The following RNF19A variants were observed in gnomAD, a reference collection of about 807,000 sequenced individuals.
RNF19A encodes E3 ubiquitin-protein ligase RNF19A.
A neutral mutation model predicts 75.7 loss-of-function variants in RNF19A; 32 were observed. The ratio of observed to expected loss-of-function variants is 0.42; its 90% CI spans 0.32 to 0.57. The LOEUF (loss-of-function observed/expected upper bound fraction) is 0.57. Among genes scored for constraint, RNF19A ranks in the 20% least tolerant of loss-of-function variants. RNF19A has a pLI of 0.10. For missense variants in RNF19A, 782 were observed against 1,036.3 expected (o/e 0.75, Z 3.37); for synonymous variants, 335 against 345.2 (o/e 0.97, Z 0.33).
At chr8:100,290,185 G>A (rs1396371410) in intron 1 of RNF19A, among the ~76,000 whole-genome samples, 2 of 152,176 alleles carry the variant, frequency 1.3e-5, no homozygotes, top group Non-Finnish European at 2.9e-5. Context: ...AGCAATCTCG[G>A]CTCACTGCAG....
rs1156918433 is a variant in RNF19A at position 100,264,191 on chromosome 8, G to A, written c.1311C>T (p.Ile437=). The stretch of plus-strand genomic sequence containing the variant: ...CATAAGCTAACATAATAGGAACACC[G>A]ATACCTAAAGAGAAATTAAATCAGT... ...SPVVAAVTVG[I]GVPIMLAYVY... The change falls in exon 7 of 10, where the codon ATC becomes ATT. Residue 437 remains isoleucine (I), a synonymous_variant. Coordinates refer to ENST00000341084, the MANE Select transcript of RNF19A (RefSeq NM_183419.4). The surrounding 1 kb of genome is among the most constrained non-coding windows in gnomAD (Gnocchi z 4.7). 11 of 1,604,678 alleles carry A rather than the reference G, an allele frequency of 6.9e-6. No individual in the cohort carries two copies. The East Asian group carries it at 1.3e-4, about 20-fold the overall frequency.
At chr8:100,289,020 G>A (rs887372620) in intron 1 of RNF19A, among the ~76,000 whole-genome samples, 8 of 142,760 alleles carry the variant, frequency 5.6e-5, no homozygotes, top group South Asian at 2.2e-4. Context: ...AGATTGCGCC[G>A]CTGCACTCCA....
At chr8:100,290,507 G>T (rs1285431928) in intron 1 of RNF19A, among the ~76,000 whole-genome samples, 3 of 152,116 alleles carry the variant, frequency 2.0e-5, no homozygotes, top group African/African-American at 4.8e-5. Context: ...TTTTCTATGT[G>T]TTTTTTTCCT....
intron 1 of RNF19A, among the ~76,000 whole-genome samples, chr8:100,293,318 T>C (rs557094474): frequency 6.6e-6 from 1 of 152,310 alleles, no homozygotes; most frequent in South Asian, 2.1e-4. Context: ...TCAACTTTTA[T>C]CTGGGGAAAA....
In RNF19A at chr8:100,264,118, C is replaced by A; in HGVS notation, c.1384G>T (p.Val462Phe). ...ACTCCTTTTCCATTGCCTGCTGAGA[C>A]TCCACAACCTCCGCTTCGACAAAGA... ...ISLCRSGGCG[V>F]SAGNGKGVRI... Residue 462 changes from valine (V) to phenylalanine (F), a missense_variant, in exon 7 of 10, where the codon GTC becomes TTC. By Grantham distance (50) the Val-to-Phe change is conservative. This residue lies in a region of RNF19A where 442 missense variants were observed against 541.6 expected (regional missense o/e 0.82). Coordinates refer to ENST00000341084, the MANE Select transcript of RNF19A (RefSeq NM_183419.4). This position sits in a 1 kb window ranked among gnomAD's most constrained non-coding sequence, Gnocchi z 4.7. The A allele has an allele frequency of 6.2e-7, 1 of 1,613,830 alleles. No homozygotes were observed. Among genetic ancestry groups the A allele is most frequent in the East Asian group, 2.2e-5 (1 of 44,874 alleles).
chr8:100,312,570 C>T (rs923610408), upstream of RNF19A, among the ~76,000 whole-genome samples: 5 of 151,954 alleles, frequency 3.3e-5, no homozygotes, highest in Admixed American at 6.6e-5. Flanking sequence ...CCAGCCTGGG[C>T]GACAGAGTGA....
chr8:100,288,070 A>T lies in RNF19A; in HGVS notation c.105T>A (p.His35Gln), dbSNP rs776829432. The change falls in exon 2 of 10, where the codon CAT becomes CAA. Residue 35 changes from histidine to glutamine, a missense_variant. Transcript: ENST00000341084. ...GATCTCGATCTGAACCCATTTGCCG[A>T]TGTAAACTCATGTCTAAAATGCTTG... ...ILTSILDMSL[H>Q]RQMGSDRDLQ... 2.5e-6 allele frequency: 4 copies of T among 1,614,054 alleles called. No individual in the cohort carries two copies. The African/African-American group carries it at 4.0e-5, about 16-fold the overall frequency.
chr8:100,261,905 A>G lies in RNF19A; in HGVS notation c.1469-150T>C. ...ATTTTTTTCAGGCTAGTCCACTAGA[A>G]GCAGTGGGAATAGAGCCAACAATTT... On this transcript the variant is annotated intron_variant, in intron 7 of 9. Transcript: ENST00000341084. This position sits in a 1 kb window ranked among gnomAD's most constrained non-coding sequence, Gnocchi z 4.4. 1.3e-6 allele frequency: 1 copy of G among 775,186 alleles called. No individual in the cohort carries two copies. Among genetic ancestry groups the G allele is most frequent in the Non-Finnish European group, 2.1e-6 (1 of 481,626 alleles). The allele number at this position is 775,186 out of a possible 1,614,324, so 48.0% of individuals were successfully genotyped here.
At chr8:100,306,791 T>C (rs999556245) in intron 1 of RNF19A, among the ~76,000 whole-genome samples, 1 of 152,200 alleles carries the variant, frequency 6.6e-6, no homozygotes, top group South Asian at 2.1e-4. Flanking sequence ...GTTTCAATGT[T>C]AGACATCTTC....
At chr8:100,327,669 T>G (rs2130387705) in intron 1 of RNF19A, among the ~76,000 whole-genome samples, 1 of 152,334 alleles carries the variant, frequency 6.6e-6, no homozygotes, top group Non-Finnish European at 1.5e-5. Flanking sequence ...GGATGGTCCC[T>G]CAGTTCCAGT....
At position 100,258,723 on chromosome 8, in the gene RNF19A, C is replaced by T. The variant is rs144188983; in HGVS notation, c.2350G>A (p.Ala784Thr). 182 of 1,614,024 alleles carry T rather than the reference C, an allele frequency of 1.1e-4. No individual in the cohort carries two copies. The highest frequency in any genetic ancestry group is 1.3e-4 in the Non-Finnish European group (155 of 1,180,030). ...QCSISVVTQT[A>T]SCSEVSQLNH... ...AACTGTGAAACTTCTGAACAGGAAG[C>T]AGTTTGGGTAACCACAGAAATGCTA... Residue 784 changes from alanine to threonine, a missense_variant, in exon 10 of 10, where the codon GCT becomes ACT. Physicochemically the swap from Ala to Thr is moderately conservative, Grantham distance 58 (BLOSUM62 0). Around this residue, in one of 7 missense-constraint regions of RNF19A, gnomAD observed 442 missense variants for 541.6 expected, o/e 0.82. Coordinates refer to ENST00000341084, the MANE Select transcript of RNF19A (RefSeq NM_183419.4). The surrounding 1 kb of genome is among the most constrained non-coding windows in gnomAD (Gnocchi z 4.3).
chr8:100,257,869 A>C lies in RNF19A; in HGVS notation c.*687T>G. ...TTTATGTATCTTATTTGTTGCTGTC[A>C]TATGCTTAATTACTTACCTTTACAT... On this transcript the variant is annotated 3_prime_UTR_variant, in exon 10 of 10. Coordinates refer to ENST00000341084, the MANE Select transcript of RNF19A (RefSeq NM_183419.4). 2.5e-6 allele frequency: 1 copy of C among 396,444 alleles called. No homozygotes were observed. The highest frequency in any genetic ancestry group is 2.1e-5 in the African/African-American group (1 of 48,664). 24.6% of individuals were successfully genotyped at this position (396,444 alleles called of 1,614,324 possible).
At chr8:100,286,540 T>C (rs1158642358) in intron 2 of RNF19A, among the ~76,000 whole-genome samples, 2 of 152,230 alleles carry the variant, frequency 1.3e-5, no homozygotes, top group Non-Finnish European at 2.9e-5. Context: ...GAAACACTAC[T>C]TTTCTCATTT....
At chr8:100,285,950 G>A (rs1283496494) in intron 2 of RNF19A, among the ~76,000 whole-genome samples, 2 of 152,082 alleles carry the variant, frequency 1.3e-5, no homozygotes, top group Non-Finnish European at 2.9e-5. Context: ...CTCTTGCTAT[G>A]GGAGTATTTG....
chr8:100,281,333 T>C (rs1392643528), intron 2 of RNF19A, among the ~76,000 whole-genome samples: 1 of 152,050 alleles, frequency 6.6e-6, no homozygotes, highest in Non-Finnish European at 1.5e-5. Flanking sequence ...AAAGTGGTTT[T>C]TGTTTTCTAT....
chr8:100,264,836 A>C lies in RNF19A; in HGVS notation c.1192-51T>G, dbSNP rs1003947154. The C allele has an allele frequency of 7.6e-7, 1 of 1,313,554 alleles. No individual in the cohort carries two copies. The highest frequency in any genetic ancestry group is 1.5e-5 in the African/African-American group (1 of 68,710). 81.4% of individuals were successfully genotyped at this position (1,313,554 alleles called of 1,614,324 possible). A position where few individuals can be genotyped will look rare whatever the true frequency, so the allele number is the denominator to read the frequency against. ...GGGATTAAAGAGAAAATACATTACAATTTAACTTAGTTGAAAAAGATCTAT... is the reference window on the plus strand; with the variant it reads ...GGGATTAAAGAGAAAATACATTACACTTTAACTTAGTTGAAAAAGATCTAT... On this transcript the variant is annotated intron_variant, in intron 5 of 9. Coordinates refer to ENST00000341084, the MANE Select transcript of RNF19A (RefSeq NM_183419.4). This position sits in a 1 kb window ranked among gnomAD's most constrained non-coding sequence, Gnocchi z 4.7.
chr8:100,270,109 A>C (rs1157957623), intron 3 of RNF19A, 96 bp from the exon 4 acceptor site: 4 of 1,086,502 alleles, frequency 3.7e-6, no homozygotes, highest in Non-Finnish European at 4.9e-6. Context: ...AAAAATCTTA[A>C]GATGTAGTTT....
At chr8:100,312,060 T>TC (rs1175618580), upstream of RNF19A, among the ~76,000 whole-genome samples, 2 of 152,174 alleles carry the variant, frequency 1.3e-5, no homozygotes, top group Non-Finnish European at 2.9e-5. Context: ...CTTCTTTCAT[T>TC]CACCCAGACA....
intron 1 of RNF19A, among the ~76,000 whole-genome samples, chr8:100,321,112 A>G (rs1350596875): frequency 2.6e-5 from 4 of 152,206 alleles, no homozygotes; most frequent in African/African-American, 9.6e-5. Context: ...GTTTCTTAAA[A>G]TAAGATAACA....
Sources: gnomAD v4.1 joint callset for allele counts (sites outside exome capture counted in the v4.1 genomes callset) on GRCh38, gnomAD v4.1.1 for gene constraint, gnomAD v4.1.1 regional missense constraint, Gnocchi (gnomAD v3.1) non-coding constraint, MANE v1.5 for transcripts, NCBI Gene and HGNC (gene_info 2026-07-23, HGNC 2026-07-21) for gene names.